Variants in PKP4 observed in about 807,000 individuals in gnomAD.
The protein encoded by PKP4 is plakophilin 4, also known as plakophilin-4.
In PKP4, 90 loss-of-function variants were observed where a neutral mutation model predicts 145.1. The observed-to-expected ratio is 0.62, with a 90% confidence interval of 0.52 to 0.74. The LOEUF (loss-of-function observed/expected upper bound fraction) is 0.74, where lower values mean the gene tolerates loss of function less well. Among genes scored for constraint, PKP4 ranks in the 30% least tolerant of loss-of-function variants. PKP4 has a pLI of 0.00. For missense variants in PKP4, 1,340 were observed against 1,482.7 expected (o/e 0.90, Z 1.58); for synonymous variants, 563 against 577.2 (o/e 0.98, Z 0.35).
chr2:158,674,846 G>A lies in PKP4; in HGVS notation c.3127+846G>A, dbSNP rs188523935. On this transcript the variant is annotated intron_variant, in intron 19 of 21. Coordinates refer to ENST00000389759, the MANE Select transcript of PKP4 (RefSeq NM_003628.6). ...AATATTATCTATTTTATTCAGCAGT[G>A]CTACTGCTGGCAGTCTTATTTCTCA... Among the ~76,000 whole-genome samples the A allele has an allele frequency of 1.4e-4, 21 of 152,284 alleles. No individual in the cohort carries two copies. In the East Asian group the frequency reaches 3.9e-3, roughly 28 times the overall value.
At chr2:158,628,459 G>C (rs181722342) in intron 7 of PKP4, among the ~76,000 whole-genome samples, 1 of 152,082 alleles carries the variant, frequency 6.6e-6, no homozygotes, top group Non-Finnish European at 1.5e-5. Context: ...TTAAACACAC[G>C]AGCGGGTAAA....
chr2:158,458,591 C>T (rs1689258384), intron 1 of PKP4, among the ~76,000 whole-genome samples: 1 of 152,186 alleles, frequency 6.6e-6, no homozygotes, highest in Non-Finnish European at 1.5e-5. Context: ...GAGTAATGAG[C>T]TTGCAGCCAA....
At chr2:158,624,822 C>T in intron 6 of PKP4, 56 bp from the exon 7 acceptor site, 2 of 1,360,804 alleles carry the variant, frequency 1.5e-6, no homozygotes, top group South Asian at 2.9e-5. Flanking sequence ...TTTGTAATGG[C>T]AATGAACACA....
intron 1 of PKP4, among the ~76,000 whole-genome samples, chr2:158,471,789 GT>G (rs1303971023): frequency 6.6e-6 from 1 of 152,164 alleles, no homozygotes; most frequent in Non-Finnish European, 1.5e-5. Context: ...TCATTGAAAA[GT>G]AATTCCTTTT....
chr2:158,616,574 C>T (rs1469212234), intron 4 of PKP4, among the ~76,000 whole-genome samples: 6 of 152,222 alleles, frequency 3.9e-5, no homozygotes, highest in Non-Finnish European at 7.3e-5. Context: ...AGAGTATCAT[C>T]TGCCTTAACC....
At chr2:158,528,670 A>AAG (rs2043212113) in intron 1 of PKP4, among the ~76,000 whole-genome samples, 1 of 4,452 alleles carries the variant, frequency 2.2e-4, no homozygotes, top group South Asian at 0.017. Context: ...TTACTAAATG[A>AAG]AAAAAAAAAA....
chr2:158,615,303 A>C (rs2051495059), intron 4 of PKP4, among the ~76,000 whole-genome samples: 1 of 152,066 alleles, frequency 6.6e-6, no homozygotes, highest in South Asian at 2.1e-4. Context: ...TATCACAATG[A>C]ATCCCTTACT....
chr2:158,568,008 C>T (rs1172727811), intron 2 of PKP4, among the ~76,000 whole-genome samples: 4 of 152,096 alleles, frequency 2.6e-5, no homozygotes, highest in Admixed American at 1.3e-4. Context: ...TTCAACCTTC[C>T]GTGTGCATGA....
chr2:158,543,544 G>T (rs994464228), intron 2 of PKP4, among the ~76,000 whole-genome samples: 1 of 152,154 alleles, frequency 6.6e-6, no homozygotes, highest in Non-Finnish European at 1.5e-5. Flanking sequence ...CAGTCATCAA[G>T]AAAAGTGTGT....
intron 2 of PKP4, among the ~76,000 whole-genome samples, chr2:158,575,147 A>C (rs1468113707): frequency 4.6e-5 from 7 of 152,206 alleles, no homozygotes; most frequent in Non-Finnish European, 8.8e-5. Context: ...TAAAGAAACT[A>C]TTGTTATAGC....
chr2:158,554,626 T>C (rs6437188), intron 2 of PKP4, among the ~76,000 whole-genome samples: 62,931 of 151,590 alleles, frequency 0.42, 13,828 homozygotes, highest in East Asian at 0.68. Context: ...GGGGTTTCAC[T>C]GTGTTAGCCA....
In PKP4 at chr2:158,514,711, C is replaced by T. The variant is rs921285780; in HGVS notation, c.-5-18469C>T. Among the ~76,000 whole-genome samples the T allele has an allele frequency of 6.6e-5, 10 of 152,070 alleles. 1 individual carries two copies. Among genetic ancestry groups the T allele is most frequent in the Middle Eastern group, 3.2e-3 (1 of 316 alleles). On this transcript the variant is annotated intron_variant, in intron 1 of 21. Transcript: ENST00000389759. ...ATCCCAGCACTTTGGGAGGTCGAGG[C>T]GGGTGGATCACCTGAGGTCAGGAGT...
intron 1 of PKP4, among the ~76,000 whole-genome samples, chr2:158,483,098 G>A (rs1351877595): frequency 6.6e-6 from 1 of 152,108 alleles, no homozygotes; most frequent in African/African-American, 2.4e-5. Flanking sequence ...GTTCATTAGT[G>A]TGTCCTTAAA....
chr2:158,486,537 T>G (rs1389123345), intron 1 of PKP4, among the ~76,000 whole-genome samples: 1 of 152,208 alleles, frequency 6.6e-6, no homozygotes, highest in Non-Finnish European at 1.5e-5. Context: ...AGTATTCTAG[T>G]TTACTAAGAA....
In PKP4 at chr2:158,457,159, C is replaced by A. The variant is rs976617137; in HGVS notation, c.-65C>A. ...ATTTTTTCGGGTGCCGCAGCGGCGACCCCTCGGCGCCGATGTCCCTGATCC... is the reference window on the plus strand; with the variant it reads ...ATTTTTTCGGGTGCCGCAGCGGCGAACCCTCGGCGCCGATGTCCCTGATCC... On this transcript the variant is annotated 5_prime_UTR_variant, in exon 1 of 22. Coordinates refer to ENST00000389759, the MANE Select transcript of PKP4 (RefSeq NM_003628.6). The A allele has an allele frequency of 1.3e-5, 2 of 151,434 alleles. No individual in the cohort carries two copies. The highest frequency in any genetic ancestry group is 4.8e-5 in the African/African-American group (2 of 41,282). 9.4% of individuals were successfully genotyped at this position (151,434 alleles called of 1,614,324 possible). A position where few individuals can be genotyped will look rare whatever the true frequency, so the allele number is the denominator to read the frequency against.
intron 3 of PKP4, among the ~76,000 whole-genome samples, chr2:158,599,957 T>A (rs1445482790): frequency 6.6e-6 from 1 of 152,188 alleles, no homozygotes; most frequent in Non-Finnish European, 1.5e-5. Context: ...TGCACAGCTG[T>A]CAATGTCCAA....
chr2:158,567,962 T>A (rs1371046727), intron 2 of PKP4, among the ~76,000 whole-genome samples: 1 of 152,162 alleles, frequency 6.6e-6, no homozygotes, highest in Admixed American at 6.5e-5. Flanking sequence ...TGAGCCTGAA[T>A]GAAAGAGGGA....
At chr2:158,550,387 AAATG>A (rs1360323871) in intron 2 of PKP4, among the ~76,000 whole-genome samples, 1 of 100,064 alleles carries the variant, frequency 1.0e-5, no homozygotes, top group Non-Finnish European at 2.9e-5. Flanking sequence ...GAGTTTTGAC[AAATG>A]AATGTAGTCA....
intron 4 of PKP4, among the ~76,000 whole-genome samples, chr2:158,605,437 G>C (rs1167579744): frequency 6.6e-6 from 1 of 152,104 alleles, no homozygotes; most frequent in Non-Finnish European, 1.5e-5. Flanking sequence ...AAAGTGACAA[G>C]AACTATTTTT....
Sources: allele counts gnomAD v4.1 joint callset (sites outside exome capture counted in the v4.1 genomes callset), GRCh38; gene constraint gnomAD v4.1.1; transcripts MANE v1.5; gene names NCBI Gene and HGNC (gene_info 2026-07-23, HGNC 2026-07-21).